PDE12: variants seen among roughly 807,000 people sequenced by gnomAD.
PDE12 encodes the protein phosphodiesterase 12.
In PDE12, 26 loss-of-function variants were observed where a neutral mutation model predicts 45.4. The ratio of observed to expected loss-of-function variants is 0.57; its 90% CI spans 0.42 to 0.79. PDE12 has a LOEUF of 0.79. PDE12 is among the 30% of genes least tolerant of loss of function. The pLI, the probability that PDE12 is intolerant of heterozygous loss-of-function variation, is 0.00. For synonymous variants in PDE12, 283 were observed against 323.9 expected, an observed-to-expected ratio of 0.87 and a Z score of 1.36; for missense variants, 668 against 790.0, an observed-to-expected ratio of 0.85 and a Z score of 1.85.
chr3:57,556,996 C>T lies in PDE12; in HGVS notation c.617C>T (p.Ala206Val), dbSNP rs370359485. 1.9e-5 allele frequency: 30 copies of T among 1,614,046 alleles called. No homozygotes were observed. Among genetic ancestry groups the T allele is most frequent in the East Asian group, 1.3e-4 (6 of 44,886 alleles). The change falls in exon 1 of 3, where the codon GCG becomes GTG. Residue 206 changes from alanine to valine, a missense_variant. Coordinates refer to ENST00000311180, the MANE Select transcript of PDE12 (RefSeq NM_177966.7). The surrounding 1 kb of genome is among the most constrained non-coding windows in gnomAD (Gnocchi z 5.0). ...TATAAGGAAGCCAAGCCCGGAGCGG[C>T]GGAGCCCGAGGTCGGTGTCCCCTCG... ...RWYKEAKPGAAEPEVGVPSSL... is the reference protein window; with the variant it reads ...RWYKEAKPGAVEPEVGVPSSL...
At chr3:57,579,233 G>A in the PDE12 span, among the ~76,000 whole-genome samples, 8 of 81,152 alleles carry the variant, frequency 9.9e-5, no homozygotes, top group East Asian at 4.2e-3. Context: ...CAGCCTGGGC[G>A]ACAAGAGCAA....
At chr3:57,649,368 G>A in the PDE12 span, among the ~76,000 whole-genome samples, 7 of 152,028 alleles carry the variant, frequency 4.6e-5, no homozygotes, top group African/African-American at 1.7e-4. Flanking sequence ...ATGTTGGTGT[G>A]GATGTGGTGA....
At chr3:57,600,451 GTTCCCTTTTCCC>G in the PDE12 span, among the ~76,000 whole-genome samples, 1 of 104,854 alleles carries the variant, frequency 9.5e-6, no homozygotes, top group South Asian at 2.8e-4. Context: ...TCCCCCTTCT[GTTCCCTTTTCCC>G]TTCCCTTTTC....
chr3:57,639,307 G>C, the PDE12 span, among the ~76,000 whole-genome samples: 1 of 152,160 alleles, frequency 6.6e-6, no homozygotes, highest in Admixed American at 6.5e-5. Context: ...CTCATACATT[G>C]CTGGTAAGAA....
the PDE12 span, chr3:57,646,494 A>G: frequency 6.5e-7 from 1 of 1,540,000 alleles, no homozygotes; most frequent in Non-Finnish European, 8.7e-7. Flanking sequence ...CTGTTTTTAA[A>G]ATTCCTACAT....
At chr3:57,584,351 T>G in the PDE12 span, 1 of 1,477,922 alleles carries the variant, frequency 6.8e-7, no homozygotes, top group Admixed American at 1.7e-5. Context: ...TTACAACATA[T>G]CATGATATAA....
the PDE12 span, among the ~76,000 whole-genome samples, chr3:57,586,838 CTG>C: frequency 1.3e-5 from 2 of 152,100 alleles, no homozygotes; most frequent in Admixed American, 1.3e-4. Flanking sequence ...TCCAACAAAG[CTG>C]TCTCTTGAAA....
the PDE12 span, chr3:57,633,271 A>G: frequency 6.2e-7 from 1 of 1,611,970 alleles, no homozygotes; most frequent in South Asian, 1.1e-5. Flanking sequence ...TTACTAATGG[A>G]ATGATGAAAC....
At chr3:57,606,149 C>T in the PDE12 span, among the ~76,000 whole-genome samples, 1 of 151,998 alleles carries the variant, frequency 6.6e-6, no homozygotes, top group Non-Finnish European at 1.5e-5. Context: ...TAAGTCCAAG[C>T]ACAAGAAACA....
chr3:57,571,910 C>G, the PDE12 span: 1 of 254,510 alleles, frequency 3.9e-6, no homozygotes, highest in Admixed American at 5.3e-5. Context: ...GTCTGGGGCT[C>G]AAAAAACACT....
the PDE12 span, among the ~76,000 whole-genome samples, chr3:57,634,990 T>C: frequency 1.3e-5 from 2 of 152,204 alleles, no homozygotes; most frequent in South Asian, 4.1e-4. Context: ...ATGTAAATTA[T>C]ATAAAATGGA....
At chr3:57,570,376 C>CTTTTTT (rs1241352591), downstream of PDE12, among the ~76,000 whole-genome samples, 5 of 128,922 alleles carry the variant, frequency 3.9e-5, no homozygotes, top group Admixed American at 7.9e-5. Flanking sequence ...ACACCAGACC[C>CTTTTTT]TTTTTTTTTT....
chr3:57,585,461 A>G, the PDE12 span, among the ~76,000 whole-genome samples: 1 of 152,172 alleles, frequency 6.6e-6, no homozygotes, highest in South Asian at 2.1e-4. Flanking sequence ...CCAAAATGAA[A>G]ACCAAAGTCT....
chr3:57,615,784 C>T, the PDE12 span, among the ~76,000 whole-genome samples: 1 of 151,718 alleles, frequency 6.6e-6, no homozygotes, highest in Non-Finnish European at 1.5e-5. Context: ...AGTCTGGATG[C>T]CAGAGCGAGA....
chr3:57,651,835 A>G, the PDE12 span, among the ~76,000 whole-genome samples: 1 of 152,210 alleles, frequency 6.6e-6, no homozygotes, highest in African/African-American at 2.4e-5. Flanking sequence ...ATATCAAAAT[A>G]GGTAATAATG....
chr3:57,613,336 C>G, the PDE12 span, among the ~76,000 whole-genome samples: 3 of 149,558 alleles, frequency 2.0e-5, no homozygotes, highest in Non-Finnish European at 3.0e-5. Flanking sequence ...CTCTGTCACC[C>G]AGGCTAGAGT....
the PDE12 span, among the ~76,000 whole-genome samples, chr3:57,578,906 TA>T: frequency 6.7e-6 from 1 of 150,368 alleles, no homozygotes; most frequent in African/African-American, 2.4e-5. Context: ...GGGGCAAAAA[TA>T]AAAATAATAA....
At chr3:57,597,053 G>T in the PDE12 span, 1 of 1,612,738 alleles carries the variant, frequency 6.2e-7, no homozygotes, top group Non-Finnish European at 8.5e-7. Context: ...GGTCCCGCCT[G>T]ACTCGCAGCC....
the PDE12 span, among the ~76,000 whole-genome samples, chr3:57,607,945 C>A: frequency 6.6e-6 from 1 of 152,022 alleles, no homozygotes; most frequent in Non-Finnish European, 1.5e-5. Flanking sequence ...TCAGATTCAC[C>A]AAAGTTGAAA....
Sources: allele counts gnomAD v4.1 joint callset (sites outside exome capture counted in the v4.1 genomes callset), GRCh38; gene constraint gnomAD v4.1.1; non-coding constraint Gnocchi (gnomAD v3.1); transcripts MANE v1.5; gene names NCBI Gene and HGNC (gene_info 2026-07-23, HGNC 2026-07-21).